Variants in OSBPL2 observed in about 807,000 individuals in gnomAD.
OSBPL2 encodes the protein oxysterol-binding protein-related protein 2.
A neutral mutation model predicts 58.4 loss-of-function variants in OSBPL2; 18 were observed. The ratio of observed to expected loss-of-function variants is 0.31; its 90% CI spans 0.21 to 0.46. OSBPL2 has a LOEUF of 0.46. OSBPL2 is among the 20% of genes least tolerant of loss of function. The pLI, the probability that OSBPL2 is intolerant of heterozygous loss-of-function variation, is 1.00. For missense variants in OSBPL2, 461 were observed against 616.5 expected (o/e 0.75, Z 2.67); for synonymous variants, 221 against 234.1 (o/e 0.94, Z 0.51).
rs1002275097 is a variant in OSBPL2 at position 62,269,062 on chromosome 20, A to G, written c.259-3063A>G. Among the ~76,000 whole-genome samples the G allele has an allele frequency of 6.6e-6, 1 of 152,044 alleles. No individual in the cohort carries two copies. On this transcript the variant is annotated intron_variant, in intron 4 of 13. Transcript: ENST00000313733. This position sits in a 1 kb window ranked among gnomAD's most constrained non-coding sequence, Gnocchi z 4.2. ...CGACAGTGTGAGACTCCAACTCAAA[A>G]AAAAAAAAAATGTTTTTTTGTAGAG...
chr20:62,244,367 AGCG>A (rs1280778353), intron 1 of OSBPL2, among the ~76,000 whole-genome samples: 1 of 152,186 alleles, frequency 6.6e-6, no homozygotes, highest in Non-Finnish European at 1.5e-5. Context: ...AGAGATACAC[AGCG>A]GCGGCGGGTC....
chr20:62,267,263 G>C (rs1445467186), intron 4 of OSBPL2, among the ~76,000 whole-genome samples: 1 of 152,180 alleles, frequency 6.6e-6, no homozygotes, highest in Admixed American at 6.5e-5. Context: ...AAACAAAGCT[G>C]TGGGCGCTCA....
chr20:62,262,823 C>G (rs78252579), intron 3 of OSBPL2, among the ~76,000 whole-genome samples: 2,936 of 152,274 alleles, frequency 0.019, 92 homozygotes, highest in African/African-American at 0.066. Flanking sequence ...AATGGGAGTT[C>G]AGCAGGAGAG....
intron 10 of OSBPL2, 139 bp from the exon 11 acceptor site, chr20:62,286,444 C>G: frequency 1.1e-6 from 1 of 924,154 alleles, no homozygotes; most frequent in Non-Finnish European, 1.7e-6. Flanking sequence ...AGCGAGACTC[C>G]GTCTGAAAAA....
chr20:62,293,724 C>A, intron 13 of OSBPL2, 61 bp from the exon 14 acceptor site: 2 of 1,494,490 alleles, frequency 1.3e-6, no homozygotes, highest in Non-Finnish European at 1.8e-6. Flanking sequence ...GCACCCAGAA[C>A]AGGGCTGCGT....
In OSBPL2 at chr20:62,269,575, G is replaced by A. The variant is rs1364532672; in HGVS notation, c.259-2550G>A. On this transcript the variant is annotated intron_variant, in intron 4 of 13. Coordinates refer to ENST00000313733, the MANE Select transcript of OSBPL2 (RefSeq NM_144498.4). The surrounding 1 kb of genome is among the most constrained non-coding windows in gnomAD (Gnocchi z 4.2). ...TCCCCCATGCTCAGGGCTGCCACCG[G>A]CCGCACTTCCCGGCCTCCCTGGTCC... is the stretch of plus-strand genomic sequence containing the variant. 6.6e-6 allele frequency among the ~76,000 whole-genome samples: 1 copy of A among 152,226 alleles called. No individual in the cohort carries two copies. Among genetic ancestry groups the A allele is most frequent in the African/African-American group, 2.4e-5 (1 of 41,460 alleles).
chr20:62,277,589 C>T (rs752860620), intron 6 of OSBPL2, among the ~76,000 whole-genome samples: 1 of 152,246 alleles, frequency 6.6e-6, no homozygotes, highest in African/African-American at 2.4e-5. Context: ...TCCTGATACC[C>T]TGGATCCCTA....
chr20:62,257,611 CAGAG>C (rs946929057), intron 2 of OSBPL2, among the ~76,000 whole-genome samples: 1 of 152,126 alleles, frequency 6.6e-6, no homozygotes, highest in African/African-American at 2.4e-5. Flanking sequence ...ACGTCTGTCA[CAGAG>C]AGCGCAGCCT....
At chr20:62,260,917 A>C (rs1214190158) in intron 3 of OSBPL2, among the ~76,000 whole-genome samples, 2 of 151,970 alleles carry the variant, frequency 1.3e-5, no homozygotes, top group African/African-American at 2.4e-5. Flanking sequence ...TTGAGCCCAG[A>C]AGTTCGAGGC....
chr20:62,259,736 C>T (rs1277285060), intron 2 of OSBPL2, among the ~76,000 whole-genome samples: 1 of 152,136 alleles, frequency 6.6e-6, no homozygotes, highest in Non-Finnish European at 1.5e-5. Context: ...AAATCACAAG[C>T]GTGGGAGGAG....
rs1170085391 is a variant in OSBPL2, at chr20:62,269,586, C to T, written c.259-2539C>T. On this transcript the variant is annotated intron_variant, in intron 4 of 13. Transcript: ENST00000313733. The surrounding 1 kb of genome is among the most constrained non-coding windows in gnomAD (Gnocchi z 4.2). Reference sequence around the variant, plus strand: ...CAGGGCTGCCACCGGCCGCACTTCCCGGCCTCCCTGGTCCCAATCTCTGGC... The same window carrying T: ...CAGGGCTGCCACCGGCCGCACTTCCTGGCCTCCCTGGTCCCAATCTCTGGC... Among the ~76,000 whole-genome samples, 2 of 152,216 alleles carry T rather than the reference C, an allele frequency of 1.3e-5. No homozygotes were observed. The highest frequency in any genetic ancestry group is 1.5e-5 in the Non-Finnish European group (1 of 68,024).
chr20:62,239,834 G>C (rs1227657030), intron 1 of OSBPL2, among the ~76,000 whole-genome samples: 1 of 152,164 alleles, frequency 6.6e-6, no homozygotes. Flanking sequence ...TTGCTGATAA[G>C]AGAAGCAAAC....
chr20:62,251,351 C>T (rs758940418), intron 1 of OSBPL2, among the ~76,000 whole-genome samples: 1 of 151,492 alleles, frequency 6.6e-6, no homozygotes, highest in Non-Finnish European at 1.5e-5. Context: ...AGCCACCACG[C>T]CCGGACAATT....
At position 62,256,503 on chromosome 20, in the gene OSBPL2, GCTTC is replaced by G. The variant is rs1980932575; in HGVS notation, c.37+283_37+286del. Reference sequence around the variant, plus strand: ...ATAGCCATCTTCTTCCCCTATTTCTGCTTCATGATGAGAACGTTCTAGATATGAT... The same window carrying G: ...ATAGCCATCTTCTTCCCCTATTTCTGATGATGAGAACGTTCTAGATATGAT... On this transcript the variant is annotated intron_variant, in intron 2 of 13. Transcript: ENST00000313733. 2.0e-5 allele frequency among the ~76,000 whole-genome samples: 3 copies of G among 152,232 alleles called. No individual in the cohort carries two copies. The South Asian group carries it at 6.2e-4, about 32-fold the overall frequency.
At chr20:62,291,663 A>G (rs749636533) in intron 12 of OSBPL2, 40 bp from the exon 13 acceptor site, 6 of 1,572,186 alleles carry the variant, frequency 3.8e-6, no homozygotes, top group African/African-American at 2.7e-5. Context: ...GTGCGGTTCT[A>G]AGGTCTCTGT....
chr20:62,243,447 C>T (rs1322814034), intron 1 of OSBPL2, among the ~76,000 whole-genome samples: 2 of 148,160 alleles, frequency 1.3e-5, no homozygotes, highest in Admixed American at 6.6e-5. Flanking sequence ...GCCCCTGCCC[C>T]GCAGCGCCTG....
chr20:62,240,033 A>G (rs2145906212), intron 1 of OSBPL2, among the ~76,000 whole-genome samples: 1 of 152,110 alleles, frequency 6.6e-6, no homozygotes, highest in Admixed American at 6.5e-5. Context: ...TTTTATTTTT[A>G]GTAGAGATGG....
At chr20:62,284,332 G>A (rs539492467) in intron 10 of OSBPL2, 163 bp downstream of exon 10, 2 of 707,224 alleles carry the variant, frequency 2.8e-6, no homozygotes, top group East Asian at 2.7e-5. Context: ...CATATATTGT[G>A]GGTTCCAGTA....
Position 62,248,081 on chromosome 20 carries a change from T to C in OSBPL2, c.-128-7976T>C, listed in dbSNP as rs552329897. ...TTGTTTATTTGTTAGTGCTGCTTGC[T>C]GATGTATTTTTAAATTATGAAATAA... On this transcript the variant is annotated intron_variant, in intron 1 of 13. Coordinates refer to ENST00000313733, the MANE Select transcript of OSBPL2 (RefSeq NM_144498.4). Among the ~76,000 whole-genome samples, 11 of 152,278 alleles carry C rather than the reference T, an allele frequency of 7.2e-5. No homozygotes were observed. In the South Asian group the frequency reaches 1.9e-3, roughly 26 times the overall value.
Sources: allele counts gnomAD v4.1 joint callset (sites outside exome capture counted in the v4.1 genomes callset), GRCh38; gene constraint gnomAD v4.1.1; non-coding constraint Gnocchi (gnomAD v3.1); transcripts MANE v1.5; gene names NCBI Gene and HGNC (gene_info 2026-07-23, HGNC 2026-07-21).